Variants in OSBPL9 observed in about 807,000 individuals in gnomAD.
OSBPL9 encodes the protein oxysterol binding protein like 9.
A neutral mutation model predicts 106.6 loss-of-function variants in OSBPL9; 40 were observed. The observed-to-expected ratio is 0.38, with a 90% confidence interval of 0.29 to 0.49. The LOEUF (loss-of-function observed/expected upper bound fraction) is 0.49, where lower values mean the gene tolerates loss of function less well. OSBPL9 is among the 20% of genes least tolerant of loss of function. The probability of loss-of-function intolerance (pLI) is 0.97; values close to 1 mark genes in which losing one functional copy is unlikely to be tolerated. For missense variants in OSBPL9, 609 were observed against 887.2 expected (o/e 0.69, Z 3.98); for synonymous variants, 269 against 295.4 (o/e 0.91, Z 0.92).
At chr1:51,748,528 C>T (rs1668519040) in intron 7 of OSBPL9, 130 bp downstream of exon 7, 1 of 1,019,748 alleles carries the variant, frequency 9.8e-7, no homozygotes. Flanking sequence ...TACAGGGGTG[C>T]TTAAGCATTG....
At chr1:51,720,650 A>G (rs1048872527) in intron 4 of OSBPL9, among the ~76,000 whole-genome samples, 2 of 151,896 alleles carry the variant, frequency 1.3e-5, no homozygotes, top group African/African-American at 2.4e-5. Flanking sequence ...ACTTTATGCT[A>G]TACATCAGTT....
intron 1 of OSBPL9, among the ~76,000 whole-genome samples, chr1:51,641,425 A>G (rs1461226832): frequency 6.6e-6 from 1 of 152,234 alleles, no homozygotes; most frequent in East Asian, 1.9e-4. Flanking sequence ...TCAGTCCATT[A>G]CAGTATGTAT....
chr1:51,652,637 A>G (rs1646586315), intron 2 of OSBPL9, among the ~76,000 whole-genome samples: 2 of 152,236 alleles, frequency 1.3e-5, no homozygotes, highest in African/African-American at 4.8e-5. Context: ...TTCTTTCCAT[A>G]CTAACTATTC....
chr1:51,688,418 G>C (rs1311863913), intron 3 of OSBPL9, among the ~76,000 whole-genome samples: 9 of 151,948 alleles, frequency 5.9e-5, no homozygotes, highest in Admixed American at 1.3e-4. Context: ...GATTGCTCAA[G>C]CCCAGGAGTT....
At chr1:51,662,721 T>C (rs1647322707) in intron 2 of OSBPL9, among the ~76,000 whole-genome samples, 1 of 151,376 alleles carries the variant, frequency 6.6e-6, no homozygotes, top group Non-Finnish European at 1.5e-5. Context: ...AGATACAAAG[T>C]CATTATATAA....
intron 2 of OSBPL9, among the ~76,000 whole-genome samples, chr1:51,669,063 C>A (rs961912739): frequency 4.6e-5 from 7 of 152,152 alleles, no homozygotes; most frequent in African/African-American, 1.7e-4. Flanking sequence ...TTCAGCCTTA[C>A]AACAACCTGG....
At chr1:51,553,549 A>G in the OSBPL9 span, among the ~76,000 whole-genome samples, 4 of 152,032 alleles carry the variant, frequency 2.6e-5, no homozygotes, top group Admixed American at 6.6e-5. Flanking sequence ...CAAACAAAAA[A>G]AAAGAAAATG....
chr1:51,747,032 C>T (rs1367904064), intron 6 of OSBPL9, among the ~76,000 whole-genome samples: 1 of 152,108 alleles, frequency 6.6e-6, no homozygotes, highest in Non-Finnish European at 1.5e-5. Context: ...TGCATTGGCA[C>T]GATCTCAGCT....
intron 1 of OSBPL9, among the ~76,000 whole-genome samples, chr1:51,632,078 T>C (rs1645139846): frequency 6.6e-6 from 1 of 152,206 alleles, no homozygotes; most frequent in African/African-American, 2.4e-5. Context: ...CCTGAGGCTG[T>C]TTTACAGTTA....
chr1:51,676,034 A>G (rs1651106179), intron 3 of OSBPL9, among the ~76,000 whole-genome samples: 1 of 152,232 alleles, frequency 6.6e-6, no homozygotes, highest in Non-Finnish European at 1.5e-5. Context: ...ACAGACACAT[A>G]GCTAATATAA....
At chr1:51,653,086 TAGG>T (rs1047493402) in intron 2 of OSBPL9, among the ~76,000 whole-genome samples, 8 of 152,120 alleles carry the variant, frequency 5.3e-5, no homozygotes, top group Non-Finnish European at 4.4e-5. Context: ...GGCACTGAGA[TAGG>T]AGTAGGTATG....
chr1:51,628,684 CTTTTTT>C (rs909175159), intron 1 of OSBPL9, among the ~76,000 whole-genome samples: 1 of 134,466 alleles, frequency 7.4e-6, no homozygotes, highest in African/African-American at 2.8e-5. Context: ...TTCTTTTTTT[CTTTTTT>C]TTTTTTTTTT....
At chr1:51,606,565 C>T (rs1315080925) in intron 2 of OSBPL9, among the ~76,000 whole-genome samples, 1 of 152,150 alleles carries the variant, frequency 6.6e-6, no homozygotes, top group Non-Finnish European at 1.5e-5. Flanking sequence ...GACAGGATGT[C>T]CCTGTTTGAA....
Position 51,788,167 on chromosome 1 carries a change from C to T in OSBPL9, c.*378C>T, listed in dbSNP as rs1678149671. 4.3e-6 allele frequency: 1 copy of T among 232,538 alleles called. No homozygotes were observed. Among genetic ancestry groups the T allele is most frequent in the Non-Finnish European group, 8.6e-6 (1 of 116,942 alleles). 14.4% of individuals were successfully genotyped at this position (232,538 alleles called of 1,614,324 possible). A position where few individuals can be genotyped will look rare whatever the true frequency, so the allele number is the denominator to read the frequency against. On this transcript the variant is annotated 3_prime_UTR_variant, in exon 24 of 24. Coordinates refer to ENST00000428468, the MANE Select transcript of OSBPL9 (RefSeq NM_024586.6). ...TATAATCTCGGGATACACACACACA[C>T]ACACATATATATACACACACATACG...
chr1:51,617,127 A>G lies in OSBPL9; in HGVS notation c.17A>G (p.Glu6Gly). The G allele has an allele frequency of 6.2e-7, 1 of 1,605,878 alleles. No individual in the cohort carries two copies. The highest frequency in any genetic ancestry group is 8.5e-7 in the Non-Finnish European group (1 of 1,175,546). ...GCTCCCAAGATGGCGTCCATCATGG[A>G]AGGGCCGCTGAGCAAATGGACTAAC... MASIM[E>G]GPLSKWTNVM... The change falls in exon 1 of 24, where the codon GAA becomes GGA. Residue 6 changes from glutamate (E) to glycine (G), a missense_variant. Transcript: ENST00000428468.
At chr1:51,550,688 A>G in the OSBPL9 span, among the ~76,000 whole-genome samples, 1 of 151,894 alleles carries the variant, frequency 6.6e-6, no homozygotes, top group Non-Finnish European at 1.5e-5. Context: ...AATTTTTTGT[A>G]TTTTTAGTAG....
chr1:51,738,783 A>T (rs992208214), intron 4 of OSBPL9, among the ~76,000 whole-genome samples: 1 of 152,004 alleles, frequency 6.6e-6, no homozygotes, highest in Non-Finnish European at 1.5e-5. Flanking sequence ...GCCTGTGGTT[A>T]TAGTATTATC....
In OSBPL9 at chr1:51,699,454, C is replaced by T. The variant is rs143890815; in HGVS notation, c.242-14549C>T. 5.3e-5 allele frequency among the ~76,000 whole-genome samples: 8 copies of T among 152,210 alleles called. No individual in the cohort carries two copies. In the East Asian group the frequency reaches 7.7e-4, roughly 15 times the overall value. The stretch of plus-strand genomic sequence containing the variant: ...CAGTTTTAAAACTCAGCTTTAATTT[C>T]CTTGCCTCAGAAGCTTTCCCTGAGT... On this transcript the variant is annotated intron_variant, in intron 3 of 23. Coordinates refer to ENST00000428468, the MANE Select transcript of OSBPL9 (RefSeq NM_024586.6).
chr1:51,632,675 G>A (rs923251850), intron 1 of OSBPL9, among the ~76,000 whole-genome samples: 3 of 121,402 alleles, frequency 2.5e-5, no homozygotes, highest in Non-Finnish European at 5.5e-5. Flanking sequence ...GAGAAGTGGC[G>A]GGGACCAGAT....
Sources: gnomAD v4.1 joint callset for allele counts (sites outside exome capture counted in the v4.1 genomes callset) on GRCh38, gnomAD v4.1.1 for gene constraint, MANE v1.5 for transcripts, NCBI Gene and HGNC (gene_info 2026-07-23, HGNC 2026-07-21) for gene names.